The following FRMD3 variants were observed in gnomAD, a reference collection of about 807,000 sequenced individuals.
FRMD3 encodes the protein FERM domain containing 3, also known as FERM domain-containing protein 3.
In FRMD3, 33 loss-of-function variants were observed where a neutral mutation model predicts 70.2. That is an observed-to-expected ratio of 0.47 (90% CI 0.36 to 0.63). The LOEUF is 0.63. Among genes scored for constraint, FRMD3 ranks in the 20% least tolerant of loss-of-function variants. FRMD3 has a pLI of 0.00. For missense variants in FRMD3, 632 were observed against 711.4 expected (o/e 0.89, Z 1.27); for synonymous variants, 279 against 255.9 (o/e 1.09, Z -0.86).
intron 6 of FRMD3, among the ~76,000 whole-genome samples, chr9:83,320,309 C>A (rs1835750379): frequency 6.6e-6 from 1 of 152,110 alleles, no homozygotes; most frequent in African/African-American, 2.4e-5. Context: ...ATTGCCTTGA[C>A]TATATTAAGA....
chr9:83,439,273 C>G (rs780187821), intron 1 of FRMD3, among the ~76,000 whole-genome samples: 4 of 152,230 alleles, frequency 2.6e-5, no homozygotes, highest in Non-Finnish European at 5.9e-5. Flanking sequence ...ACATTGGTTT[C>G]TAATTCTTCA....
At chr9:83,346,521 G>T (rs1169706676) in intron 4 of FRMD3, among the ~76,000 whole-genome samples, 1 of 152,176 alleles carries the variant, frequency 6.6e-6, no homozygotes, top group Non-Finnish European at 1.5e-5. Context: ...AAACAGATAA[G>T]TGGTTGCCAG....
chr9:83,283,326 C>T (rs548584361), intron 13 of FRMD3, among the ~76,000 whole-genome samples: 10 of 151,926 alleles, frequency 6.6e-5, no homozygotes, highest in South Asian at 6.2e-4. Context: ...GTCAGGAGAT[C>T]GAGACCATCC....
chr9:83,388,416 T>C (rs1371932167), intron 2 of FRMD3, among the ~76,000 whole-genome samples: 1 of 152,122 alleles, frequency 6.6e-6, no homozygotes, highest in African/African-American at 2.4e-5. Flanking sequence ...AGGTGACCCC[T>C]TCACACACTA....
the FRMD3 span, among the ~76,000 whole-genome samples, chr9:83,575,353 G>A: frequency 3.3e-5 from 5 of 152,262 alleles, no homozygotes; most frequent in South Asian, 1.0e-3. Context: ...ACCTCTTGCT[G>A]CAGAATGGTT....
At chr9:83,290,266 G>C (rs1469835519) in intron 13 of FRMD3, among the ~76,000 whole-genome samples, 1 of 152,152 alleles carries the variant, frequency 6.6e-6, no homozygotes, top group Admixed American at 6.5e-5. Flanking sequence ...TGAGGAAATG[G>C]ATTTTTAATT....
intron 2 of FRMD3, among the ~76,000 whole-genome samples, chr9:83,385,164 T>C (rs1047534797): frequency 6.9e-6 from 1 of 144,366 alleles, no homozygotes; most frequent in Non-Finnish European, 1.5e-5. Context: ...TGAGCAGAAG[T>C]GGTAAAAAGA....
chr9:83,362,555 A>G (rs1164804853), intron 3 of FRMD3, among the ~76,000 whole-genome samples: 1 of 152,176 alleles, frequency 6.6e-6, no homozygotes, highest in Non-Finnish European at 1.5e-5. Context: ...GGTGCTTGGG[A>G]GCAGCACAGT....
At chr9:83,562,628 C>T in the FRMD3 span, among the ~76,000 whole-genome samples, 1 of 152,212 alleles carries the variant, frequency 6.6e-6, no homozygotes, top group Non-Finnish European at 1.5e-5. Context: ...ACACGTGGCT[C>T]CAAATAACCT....
chr9:83,538,517 C>T, upstream of FRMD3: 1 of 282,074 alleles, frequency 3.5e-6, no homozygotes, highest in Non-Finnish European at 6.6e-6. This position sits in a 1 kb window ranked among gnomAD's most constrained non-coding sequence, Gnocchi z 4.7. Context: ...CCGAGGACGC[C>T]CAGAGCCTGA....
At chr9:83,399,372 A>G (rs1157064947) in intron 1 of FRMD3, among the ~76,000 whole-genome samples, 2 of 152,110 alleles carry the variant, frequency 1.3e-5, no homozygotes, top group Non-Finnish European at 2.9e-5. Context: ...TCATTCGGTC[A>G]TTTCTGTTCT....
At chr9:83,310,847 T>C (rs1835324852) in intron 8 of FRMD3, among the ~76,000 whole-genome samples, 1 of 152,202 alleles carries the variant, frequency 6.6e-6, no homozygotes, top group Admixed American at 6.5e-5. Flanking sequence ...ACAATATTAA[T>C]TGCCCAGCCC....
At chr9:83,565,010 C>G in the FRMD3 span, among the ~76,000 whole-genome samples, 1 of 152,186 alleles carries the variant, frequency 6.6e-6, no homozygotes, top group Non-Finnish European at 1.5e-5. Context: ...TGGGAGCTAA[C>G]TGGCAGTCAG....
At chr9:83,315,429 T>G (rs1052999888) in intron 6 of FRMD3, among the ~76,000 whole-genome samples, 1 of 152,098 alleles carries the variant, frequency 6.6e-6, no homozygotes, top group Non-Finnish European at 1.5e-5. Flanking sequence ...CATGTCGAAT[T>G]GTAATCCCCA....
rs1381715515 is a variant in FRMD3 at position 83,248,068 on chromosome 9, G to A, written c.1644C>T (p.Leu548=). The A allele has an allele frequency of 6.2e-7, 1 of 1,614,046 alleles. No homozygotes were observed. Among genetic ancestry groups the A allele is most frequent in the Non-Finnish European group, 8.5e-7 (1 of 1,180,056 alleles). The change falls in exon 14 of 14, where the codon CTC becomes CTT. Residue 548 remains leucine (L), a synonymous_variant. Coordinates refer to ENST00000304195, the MANE Select transcript of FRMD3 (RefSeq NM_174938.6). Reference sequence around the variant, plus strand: ...AGAGATCAATACCTGACTCCAAAAGGAGGAGGAGCAGGGGAAATACAAAGA... The same window carrying A: ...AGAGATCAATACCTGACTCCAAAAGAAGGAGGAGCAGGGGAAATACAAAGA... ...LLLFVFPLLL[L]LLESGIDLSF... is the part of the protein sequence containing the mutation.
intron 13 of FRMD3, among the ~76,000 whole-genome samples, chr9:83,255,915 C>T (rs529954077): frequency 1.1e-4 from 16 of 152,102 alleles, no homozygotes; most frequent in East Asian, 3.9e-4. Context: ...ACGGATAGGA[C>T]GACTCAATAT....
intron 1 of FRMD3, among the ~76,000 whole-genome samples, chr9:83,499,899 A>C (rs1564105811): frequency 6.6e-6 from 1 of 152,224 alleles, no homozygotes; most frequent in Non-Finnish European, 1.5e-5. Context: ...ACATCCAGAC[A>C]ATGGAATATT....
At chr9:83,485,204 T>C (rs1224575740) in intron 1 of FRMD3, among the ~76,000 whole-genome samples, 6 of 152,224 alleles carry the variant, frequency 3.9e-5, no homozygotes, top group Non-Finnish European at 7.3e-5. Flanking sequence ...CTCCCTGGTA[T>C]GTAGAATTCC....
At chr9:83,548,827 G>A in the FRMD3 span, among the ~76,000 whole-genome samples, 3 of 152,026 alleles carry the variant, frequency 2.0e-5, no homozygotes, top group East Asian at 1.9e-4. Flanking sequence ...GAAACGGGTA[G>A]GCTATCTGGA....
Sources: gnomAD v4.1 joint callset for allele counts (sites outside exome capture counted in the v4.1 genomes callset) on GRCh38, gnomAD v4.1.1 for gene constraint, Gnocchi (gnomAD v3.1) non-coding constraint, MANE v1.5 for transcripts, NCBI Gene and HGNC (gene_info 2026-07-23, HGNC 2026-07-21) for gene names.